Variants in SAR1B observed in about 807,000 individuals in gnomAD.
SAR1B encodes the protein small COPII coat GTPase SAR1B.
A neutral mutation model predicts 26.8 loss-of-function variants in SAR1B; 23 were observed. The observed-to-expected ratio is 0.86, with a 90% confidence interval of 0.62 to 1.22. The LOEUF is 1.22. SAR1B is among the 50% of genes most tolerant of loss of function. The probability of loss-of-function intolerance (pLI) is 0.00; values close to 1 mark genes in which losing one functional copy is unlikely to be tolerated. For missense variants in SAR1B, 196 were observed against 232.8 expected, an observed-to-expected ratio of 0.84 and a Z score of 1.03; for synonymous variants, 65 against 80.8, an observed-to-expected ratio of 0.80 and a Z score of 1.05.
intron 3 of SAR1B, among the ~76,000 whole-genome samples, chr5:134,620,579 GGCCAGGT>G (rs915802954): frequency 3.3e-5 from 5 of 152,116 alleles, no homozygotes; most frequent in African/African-American, 1.2e-4. Flanking sequence ...CAAAAAACTT[GGCCAGGT>G]GCAGTGGCTC....
chr5:134,625,475 T>C (rs572622719), intron 1 of SAR1B, among the ~76,000 whole-genome samples: 18 of 152,090 alleles, frequency 1.2e-4, no homozygotes, highest in Non-Finnish European at 1.6e-4. Context: ...AAAGGTAGTA[T>C]ACAGAGATGG....
intron 5 of SAR1B, chr5:134,609,160 C>T (rs948798016): frequency 2.2e-6 from 1 of 455,668 alleles, no homozygotes; most frequent in Non-Finnish European, 4.4e-6. Context: ...GAGGTAGCTA[C>T]ATATGCCTCT....
intron 2 of SAR1B, among the ~76,000 whole-genome samples, chr5:134,622,230 T>C (rs1765421576): frequency 6.6e-6 from 1 of 152,174 alleles, no homozygotes; most frequent in African/African-American, 2.4e-5. Flanking sequence ...TCCTAATCTT[T>C]TAGTTTTGGG....
Position 134,604,357 on chromosome 5 carries a change from A to C in SAR1B, c.*2593T>G, listed in dbSNP as rs1448417531. The C allele has an allele frequency of 6.6e-6, 1 of 152,250 alleles. No homozygotes were observed. Among genetic ancestry groups the C allele is most frequent in the Non-Finnish European group, 1.5e-5 (1 of 68,048 alleles). The allele number at this position is 152,250 out of a possible 1,614,324, so 9.4% of individuals were successfully genotyped here. ...CCCCAGTACTAGTATTTACCTGGGA[A>C]ATACTCCATGGATGCACACATTCAC... On this transcript the variant is annotated 3_prime_UTR_variant, in exon 7 of 7. Transcript: ENST00000402673.
In SAR1B at chr5:134,612,676, A is replaced by AAAAAAT; in HGVS notation, c.244+14_244+15insATTTTT. 3 of 1,088,988 alleles carry AAAAAAT rather than the reference A, an allele frequency of 2.8e-6. No individual in the cohort carries two copies. The highest frequency in any genetic ancestry group is 3.8e-6 in the Non-Finnish European group (3 of 789,130). The allele number at this position is 1,088,988 out of a possible 1,614,324, so 67.5% of individuals were successfully genotyped here. On this transcript the variant is annotated intron_variant, in intron 4 of 6. Transcript: ENST00000402673. ...AAAAAAAAAAAAAAAAAAAAAAAAA[A>AAAAAAT]AAAAAGAATCTTACCTTGAACATGT... is the stretch of plus-strand genomic sequence containing the variant.
At chr5:134,610,530 G>T (rs1226560026) in intron 4 of SAR1B, among the ~76,000 whole-genome samples, 3 of 133,518 alleles carry the variant, frequency 2.2e-5, no homozygotes, top group South Asian at 4.7e-4. Flanking sequence ...TCATGCCACT[G>T]CACTCCAGCC....
intron 2 of SAR1B, among the ~76,000 whole-genome samples, chr5:134,621,640 G>C (rs1765410246): frequency 6.6e-6 from 1 of 151,976 alleles, no homozygotes; most frequent in Admixed American, 6.6e-5. Flanking sequence ...GTATCAATCA[G>C]GTATTGATTG....
chr5:134,609,223 G>T, intron 5 of SAR1B: 1 of 421,146 alleles, frequency 2.4e-6, no homozygotes, highest in South Asian at 1.9e-5. Flanking sequence ...TTTCCAGGCT[G>T]TGGCTTAAGA....
rs750757403 is a variant in SAR1B at position 134,607,065 on chromosome 5, C to T, written c.482G>A (p.Gly161Glu). ...ATTCAGTTCTTTCAGAGATATACTC[C>T]CCTAGAATAGAAGAGAGACATTTCG... ...FGLYGQTTGK[G>E]SISLKELNAR... is the part of the protein sequence containing the mutation. The change falls in exon 7 of 7, where the codon GGG becomes GAG. Residue 161 changes from glycine to glutamate, a missense_variant and splice_region_variant. Transcript: ENST00000402673. 6.3e-6 allele frequency: 10 copies of T among 1,575,678 alleles called. No individual in the cohort carries two copies. The African/African-American group carries it at 1.1e-4, about 17-fold the overall frequency.
Position 134,606,954 on chromosome 5 carries a change from T to A in SAR1B, c.593A>T (p.Asp198Val), listed in dbSNP as rs960875347. 6.2e-7 allele frequency: 1 copy of A among 1,605,242 alleles called. No homozygotes were observed. The highest frequency in any genetic ancestry group is 2.2e-5 in the East Asian group (1 of 44,836). ...TGGAACCAATGTGAGTTTGTGTTAA[T>A]CAATGTACTGTGCCATCCAGCGGAA... ...EGFRWMAQYI[D>V] Residue 198 changes from aspartate (D) to valine (V), a missense_variant, in exon 7 of 7, where the codon GAT (aspartate) becomes GTT (valine). Coordinates refer to ENST00000402673, the MANE Select transcript of SAR1B (RefSeq NM_016103.4).
At chr5:134,608,300 C>A in intron 6 of SAR1B, 72 bp downstream of exon 6, 1 of 1,436,040 alleles carries the variant, frequency 7.0e-7, no homozygotes, top group South Asian at 1.2e-5. Context: ...TATAGTTGGA[C>A]AATAGTAATT....
chr5:134,621,315 C>G (rs1765403786), intron 2 of SAR1B, among the ~76,000 whole-genome samples: 1 of 151,918 alleles, frequency 6.6e-6, no homozygotes, highest in Non-Finnish European at 1.5e-5. Flanking sequence ...ACTGAAAATA[C>G]AAAAATTAGC....
chr5:134,628,102 G>A (rs560915115), intron 1 of SAR1B, among the ~76,000 whole-genome samples: 78 of 150,680 alleles, frequency 5.2e-4, no homozygotes, highest in African/African-American at 1.8e-3. Flanking sequence ...TCGTGCCACT[G>A]CACTGCACTC....
At position 134,612,727 on chromosome 5, in the gene SAR1B, T is replaced by A. The variant is rs1488117062; in HGVS notation, c.208A>T (p.Thr70Ser). The A allele has an allele frequency of 6.7e-7, 1 of 1,485,256 alleles. No individual in the cohort carries two copies. The highest frequency in any genetic ancestry group is 1.5e-5 in the African/African-American group (1 of 67,122). 92.0% of individuals were successfully genotyped at this position (1,485,256 alleles called of 1,614,324 possible). A position where few individuals can be genotyped will look rare whatever the true frequency, so the allele number is the denominator to read the frequency against. The change falls in exon 4 of 7, where the codon ACG (threonine) becomes TCG (serine). Residue 70 changes from threonine (T) to serine (S), a missense_variant. Thr to Ser is a moderately conservative substitution (Grantham distance 58, BLOSUM62 1). Coordinates refer to ENST00000402673, the MANE Select transcript of SAR1B (RefSeq NM_016103.4). ...CCACCCAGATCAAAAGTTGTAAACG[T>A]CATGCCAGCAATGGTCAGTTCTTCG... ...TSEELTIAGM[T>S]FTTFDLGGHV...
intron 1 of SAR1B, 77 bp from the exon 2 acceptor site, chr5:134,624,114 A>G: frequency 2.4e-6 from 2 of 822,340 alleles, no homozygotes; most frequent in Non-Finnish European, 4.3e-6. Flanking sequence ...GTTAAACACC[A>G]ACTCTGAGTA....
intron 1 of SAR1B, among the ~76,000 whole-genome samples, chr5:134,627,253 A>G (rs1047229022): frequency 2.7e-4 from 41 of 151,748 alleles, no homozygotes; most frequent in African/African-American, 3.4e-4. Flanking sequence ...GGGTTTCACC[A>G]TGTTAGCCAG....
At position 134,605,981 on chromosome 5, in the gene SAR1B, G is replaced by C. The variant is rs1765120910; in HGVS notation, c.*969C>G. 6.6e-6 allele frequency: 1 copy of C among 152,164 alleles called. No individual in the cohort carries two copies. Among genetic ancestry groups the C allele is most frequent in the Admixed American group, 6.6e-5 (1 of 15,262 alleles). 9.4% of individuals were successfully genotyped at this position (152,164 alleles called of 1,614,324 possible). A position where few individuals can be genotyped will look rare whatever the true frequency, so the allele number is the denominator to read the frequency against. On this transcript the variant is annotated 3_prime_UTR_variant, in exon 7 of 7. Coordinates refer to ENST00000402673, the MANE Select transcript of SAR1B (RefSeq NM_016103.4). ...GAGACTGGGAATATATCTAAATGTG[G>C]AGACACTGGTGCCTGTCATTGCTTT...
Position 134,606,905 on chromosome 5 carries a change from T to G in SAR1B, c.*45A>C. ...TATGCATGTTGAGCAATCAAATCTC[T>G]GAGTAAGCCTGAACGTTGAGACCTG... On this transcript the variant is annotated 3_prime_UTR_variant, in exon 7 of 7. Transcript: ENST00000402673. 1 of 1,241,406 alleles carries G rather than the reference T, an allele frequency of 8.1e-7. No homozygotes were observed. The highest frequency in any genetic ancestry group is 2.3e-5 in the East Asian group (1 of 43,198). 76.9% of individuals were successfully genotyped at this position (1,241,406 alleles called of 1,614,324 possible). A position where few individuals can be genotyped will look rare whatever the true frequency, so the allele number is the denominator to read the frequency against.
chr5:134,626,464 G>A (rs1174198064), intron 1 of SAR1B, among the ~76,000 whole-genome samples: 8 of 152,126 alleles, frequency 5.3e-5, no homozygotes, highest in Non-Finnish European at 1.2e-4. Flanking sequence ...ACAGATACCT[G>A]AGCCCAGAAA....
Sources: gnomAD v4.1 joint callset for allele counts (sites outside exome capture counted in the v4.1 genomes callset) on GRCh38, gnomAD v4.1.1 for gene constraint, MANE v1.5 for transcripts, NCBI Gene and HGNC (gene_info 2026-07-23, HGNC 2026-07-21) for gene names.